The following COL6A1 variants were observed in gnomAD, a reference collection of about 807,000 sequenced individuals.
COL6A1 encodes collagen alpha-1(VI) chain.
Under a neutral mutation model 145.6 loss-of-function variants are expected in COL6A1, and 80 were observed. The observed-to-expected ratio is 0.55, with a 90% CI of 0.46 to 0.66. COL6A1 has a LOEUF of 0.66. Ranked by LOEUF, COL6A1 falls within the 30% of genes least tolerant of loss-of-function variation. COL6A1 has a pLI of 0.00. For synonymous variants in COL6A1, 638 were observed against 622.8 expected, an observed-to-expected ratio of 1.02 and a Z score of -0.36; for missense variants, 1,364 against 1,473.8, an observed-to-expected ratio of 0.93 and a Z score of 1.22.
intron 20 of COL6A1, among the ~76,000 whole-genome samples, chr21:45,995,804 T>C (rs1404503851): frequency 6.6e-6 from 1 of 152,190 alleles, no homozygotes; most frequent in Non-Finnish European, 1.5e-5. Context: ...TGACTCACAG[T>C]TGCCTGGCTG....
intron 2 of COL6A1, 85 bp from the exon 3 acceptor site, chr21:45,984,184 C>A: frequency 7.5e-7 from 1 of 1,326,210 alleles, no homozygotes; most frequent in Non-Finnish European, 1.1e-6. Context: ...GCAGCCTGTC[C>A]ATCTGGGTGA....
chr21:46,004,124 T>C lies in COL6A1; in HGVS notation c.*111T>C. 1 of 1,465,392 alleles carries C rather than the reference T, an allele frequency of 6.8e-7. No homozygotes were observed. Among genetic ancestry groups the C allele is most frequent in the Non-Finnish European group, 9.4e-7 (1 of 1,067,180 alleles). 90.8% of individuals were successfully genotyped at this position (1,465,392 alleles called of 1,614,324 possible). A position where few individuals can be genotyped will look rare whatever the true frequency, so the allele number is the denominator to read the frequency against. ...CCGACCAACCTGATTCGCTAGATTT[T>C]TTTTAAGGAAAAGCTTGGAAAGCCA... On this transcript the variant is annotated 3_prime_UTR_variant, in exon 35 of 35. Coordinates refer to ENST00000361866, the MANE Select transcript of COL6A1 (RefSeq NM_001848.3).
intron 19 of COL6A1, among the ~76,000 whole-genome samples, chr21:45,993,284 G>A (rs1460188314): frequency 6.6e-6 from 1 of 152,148 alleles, no homozygotes; most frequent in Non-Finnish European, 1.5e-5. Flanking sequence ...GCCTCGCTAG[G>A]CCACCCCACA....
At chr21:45,999,558 T>C in intron 26 of COL6A1, 99 bp from the exon 27 acceptor site, 1 of 1,339,050 alleles carries the variant, frequency 7.5e-7, no homozygotes, top group Non-Finnish European at 1.0e-6. Context: ...AGGGGTGGGC[T>C]TGATGAGGGG....
chr21:45,983,010 G>C (rs1171683217), intron 2 of COL6A1, among the ~76,000 whole-genome samples: 1 of 149,018 alleles, frequency 6.7e-6, no homozygotes, highest in Admixed American at 6.6e-5. Flanking sequence ...CCCTGCTCGC[G>C]GGGGTGGCAC....
rs1174012660 is a variant in COL6A1, at chr21:45,987,812, G to T, written c.804+158G>T. On this transcript the variant is annotated intron_variant, in intron 8 of 34. Coordinates refer to ENST00000361866, the MANE Select transcript of COL6A1 (RefSeq NM_001848.3). ...GGCGGGGGTCCAGATGGAGGGGACG[G>T]CGGGAGTCCAGATGGAGGGGATGGC... Among the ~76,000 whole-genome samples, 6 of 49,850 alleles carry T rather than the reference G, an allele frequency of 1.2e-4. 1 individual carries two copies. Among genetic ancestry groups the T allele is most frequent in the Admixed American group, 5.8e-4 (3 of 5,154 alleles). 32.7% of individuals were successfully genotyped at this position (49,850 alleles called of 152,430 possible). A position where few individuals can be genotyped will look rare whatever the true frequency, so the allele number is the denominator to read the frequency against.
At chr21:45,982,527 C>A (rs2077713950) in intron 1 of COL6A1, 107 bp from the exon 2 acceptor site, 2 of 1,536,044 alleles carry the variant, frequency 1.3e-6, no homozygotes, top group African/African-American at 2.7e-5. Context: ...CTCTCCGGGC[C>A]CGGGGCTCTG....
Position 45,994,356 on chromosome 21 carries a change from C to T in COL6A1, c.1398+127C>T, listed in dbSNP as rs1395057511. On this transcript the variant is annotated intron_variant, in intron 20 of 34. Coordinates refer to ENST00000361866, the MANE Select transcript of COL6A1 (RefSeq NM_001848.3). The surrounding 1 kb of genome is among the most constrained non-coding windows in gnomAD (Gnocchi z 6.8). ...AGGGCCTCTGTGTTTCCGTAGATCT[C>T]GGGGGTGTCCCTGCGTGGGAGCCGG... is the stretch of plus-strand genomic sequence containing the variant. 6.2e-6 allele frequency: 6 copies of T among 966,422 alleles called. No homozygotes were observed. Among genetic ancestry groups the T allele is most frequent in the East Asian group, 2.6e-5 (1 of 37,972 alleles). The allele number at this position is 966,422 out of a possible 1,614,324, so 59.9% of individuals were successfully genotyped here.
chr21:45,994,282 A>G lies in COL6A1; in HGVS notation c.1398+53A>G. The G allele has an allele frequency of 1.3e-6, 2 of 1,536,832 alleles. No homozygotes were observed. The highest frequency in any genetic ancestry group is 8.9e-7 in the Non-Finnish European group (1 of 1,123,936). ...GTTGGCCAATTTGGGTTTTGGGGGT[A>G]GAAGTGCTCCAGCAGCTCACGCACT... On this transcript the variant is annotated intron_variant, in intron 20 of 34. Coordinates refer to ENST00000361866, the MANE Select transcript of COL6A1 (RefSeq NM_001848.3). The surrounding 1 kb of genome is among the most constrained non-coding windows in gnomAD (Gnocchi z 6.8).
chr21:45,990,041 CCGGGCGG>C (rs2077765478), intron 11 of COL6A1, among the ~76,000 whole-genome samples: 1 of 141,694 alleles, frequency 7.1e-6, no homozygotes, highest in African/African-American at 2.5e-5. Flanking sequence ...CGGGGGTCCC[CCGGGCGG>C]TTACCCTCTG....
At position 45,989,156 on chromosome 21, in the gene COL6A1, G is replaced by A; in HGVS notation, c.858+19G>A. The stretch of plus-strand genomic sequence containing the variant: ...AGATCCTGTGAGTGCCTGACTGTGG[G>A]GTGGGGGCCCTAAGAAGCTGGAGGC... On this transcript the variant is annotated intron_variant, in intron 9 of 34. Coordinates refer to ENST00000361866, the MANE Select transcript of COL6A1 (RefSeq NM_001848.3). 6.3e-7 allele frequency: 1 copy of A among 1,585,164 alleles called. No homozygotes were observed. The highest frequency in any genetic ancestry group is 1.4e-5 in the African/African-American group (1 of 73,408).
At chr21:45,989,818 C>G in intron 11 of COL6A1, 40 bp downstream of exon 11, 1 of 1,612,172 alleles carries the variant, frequency 6.2e-7, no homozygotes, top group East Asian at 2.2e-5. Flanking sequence ...TCTCCAGGCG[C>G]AGATGTGCCA....
chr21:45,991,802 G>T (rs1246642699), intron 15 of COL6A1, among the ~76,000 whole-genome samples: 3 of 152,222 alleles, frequency 2.0e-5, no homozygotes, highest in East Asian at 1.9e-4. Context: ...CCTTGGCTGG[G>T]CCTCACAGGG....
rs776299515 is a variant in COL6A1 at position 45,981,993 on chromosome 21, C to T, written c.97+46C>T. 4.8e-5 allele frequency: 71 copies of T among 1,480,934 alleles called. 1 individual carries two copies. In the East Asian group the frequency reaches 1.4e-3, roughly 29 times the overall value. The allele number at this position is 1,480,934 out of a possible 1,614,324, so 91.7% of individuals were successfully genotyped here. The stretch of plus-strand genomic sequence containing the variant: ...CAGGCTCCAGACCCCCCGCTCTTTG[C>T]TGCCGGCCAGGGCCAGATGCGCGGG... On this transcript the variant is annotated intron_variant, in intron 1 of 34. Coordinates refer to ENST00000361866, the MANE Select transcript of COL6A1 (RefSeq NM_001848.3).
intron 20 of COL6A1, among the ~76,000 whole-genome samples, chr21:45,996,282 TG>T: frequency 6.6e-6 from 1 of 152,212 alleles, no homozygotes; most frequent in Admixed American, 6.5e-5. Flanking sequence ...ACCCCAAGTT[TG>T]GTGAGCTTCT....
chr21:45,999,577 TG>T, intron 26 of COL6A1, 79 bp from the exon 27 acceptor site: 1 of 1,501,744 alleles, frequency 6.7e-7, no homozygotes. Context: ...GGCAGGGCCC[TG>T]GGGGTGGGGG....
Position 45,994,108 on chromosome 21 carries a change from G to A in COL6A1, c.1336-59G>A, listed in dbSNP as rs370486649. 2.4e-4 allele frequency: 365 copies of A among 1,531,886 alleles called. 1 individual carries two copies. The highest frequency in any genetic ancestry group is 3.0e-4 in the Non-Finnish European group (337 of 1,126,066). The allele number at this position is 1,531,886 out of a possible 1,614,324, so 94.9% of individuals were successfully genotyped here. A position where few individuals can be genotyped will look rare whatever the true frequency, so the allele number is the denominator to read the frequency against. On this transcript the variant is annotated intron_variant, in intron 19 of 34. Coordinates refer to ENST00000361866, the MANE Select transcript of COL6A1 (RefSeq NM_001848.3). The surrounding 1 kb of genome is among the most constrained non-coding windows in gnomAD (Gnocchi z 6.8). Reference sequence around the variant, plus strand: ...GCATGCTGTGGCTCCCAGCGTGCCCGGGCAGCCATCCTCCCCAAGGATGGC... The same window carrying A: ...GCATGCTGTGGCTCCCAGCGTGCCCAGGCAGCCATCCTCCCCAAGGATGGC...
At chr21:45,999,878 G>GA (rs1215439754) in intron 27 of COL6A1, among the ~76,000 whole-genome samples, 186 bp downstream of exon 27, 1 of 141,136 alleles carries the variant, frequency 7.1e-6, no homozygotes, top group African/African-American at 2.6e-5. Flanking sequence ...ATCATAGGGG[G>GA]ATGTGTGAGG....
intron 24 of COL6A1, 115 bp downstream of exon 24, chr21:45,998,548 C>T: frequency 7.2e-7 from 1 of 1,389,948 alleles, no homozygotes; most frequent in Non-Finnish European, 1.0e-6. Context: ...ACACGGGGTA[C>T]ACAGGCACCC....
Sources: gnomAD v4.1 joint callset for allele counts (sites outside exome capture counted in the v4.1 genomes callset) on GRCh38, gnomAD v4.1.1 for gene constraint, Gnocchi (gnomAD v3.1) non-coding constraint, MANE v1.5 for transcripts, NCBI Gene and HGNC (gene_info 2026-07-23, HGNC 2026-07-21) for gene names.